The following CECR2 variants were observed in gnomAD, a reference collection of about 807,000 sequenced individuals.
The protein encoded by CECR2 is CECR2 histone acetyl-lysine reader.
Under a neutral mutation model 154.5 loss-of-function variants are expected in CECR2, and 30 were observed. That is an observed-to-expected ratio of 0.19 (90% confidence interval 0.15 to 0.26). The LOEUF is 0.26. CECR2 is among the 10% of genes least tolerant of loss of function. The pLI is 1.00. For missense variants in CECR2, 1,743 were observed against 1,829.3 expected, an observed-to-expected ratio of 0.95 and a Z score of 0.86; for synonymous variants, 725 against 683.7, an observed-to-expected ratio of 1.06 and a Z score of -0.94.
chr22:17,437,944 G>GT lies in CECR2; in HGVS notation c.127-39641dup, dbSNP rs1601356804. Among the ~76,000 whole-genome samples the GT allele has an allele frequency of 2.0e-5, 3 of 152,226 alleles. No individual in the cohort carries two copies. The East Asian group carries it at 5.8e-4, about 29-fold the overall frequency. On this transcript the variant is annotated intron_variant, in intron 1 of 18. Coordinates refer to ENST00000262608, the MANE Select transcript of CECR2 (RefSeq NM_001290047.2). ...TAACTTAATAGTTTAAAAGGACAAA[G>GT]TTTCTTTTGTGGAGTAATAGAAATG...
intron 1 of CECR2, among the ~76,000 whole-genome samples, chr22:17,443,023 T>G (rs1258850829): frequency 1.3e-5 from 2 of 152,260 alleles, no homozygotes; most frequent in Non-Finnish European, 2.9e-5. Context: ...CCTTTTTCTA[T>G]TCTTTCATCA....
At chr22:17,368,723 G>C (rs2063018769), upstream of CECR2, among the ~76,000 whole-genome samples, 1 of 152,048 alleles carries the variant, frequency 6.6e-6, no homozygotes, top group Admixed American at 6.5e-5. Context: ...TTCAGCGGCC[G>C]GGCAGTAGCA....
chr22:17,540,821 T>G lies in CECR2; in HGVS notation c.1884+21T>G, dbSNP rs1319386469. On this transcript the variant is annotated intron_variant, in intron 14 of 18. Transcript: ENST00000262608. ...AGATGGTAAGGAATAGAGTGGAGAC[T>G]GTTGCGGTTTCTCCTAGTTTGTGAG... 3 of 1,511,228 alleles carry G rather than the reference T, an allele frequency of 2.0e-6. No individual in the cohort carries two copies. In the South Asian group the frequency reaches 4.2e-5, roughly 21 times the overall value. The allele number at this position is 1,511,228 out of a possible 1,614,324, so 93.6% of individuals were successfully genotyped here.
intron 4 of CECR2, among the ~76,000 whole-genome samples, chr22:17,500,384 C>T (rs76369708): frequency 0.13 from 19,654 of 152,136 alleles, 1,466 homozygotes; most frequent in Non-Finnish European, 0.17. Context: ...GGCTTTCTTA[C>T]TGCTAGGAGA....
At chr22:17,541,754 G>A (rs1385034687) in intron 14 of CECR2, 85 bp from the exon 15 acceptor site, 32 of 1,475,636 alleles carry the variant, frequency 2.2e-5, no homozygotes, top group Non-Finnish European at 2.7e-5. Flanking sequence ...TTAGTAGAAC[G>A]TTCATCTTCA....
At chr22:17,535,893 C>T (rs944435617) in intron 9 of CECR2, among the ~76,000 whole-genome samples, 1 of 152,158 alleles carries the variant, frequency 6.6e-6, no homozygotes, top group Non-Finnish European at 1.5e-5. Flanking sequence ...GTGTCTTGCT[C>T]ACAGCAGTAG....
chr22:17,417,480 G>GA (rs893717119), intron 1 of CECR2, among the ~76,000 whole-genome samples: 1 of 149,560 alleles, frequency 6.7e-6, no homozygotes, highest in African/African-American at 2.5e-5. Context: ...CTTGTGGCCT[G>GA]AAAAAAAATT....
rs772379155 is a variant in CECR2 at position 17,542,721 on chromosome 22, A to G, written c.2578A>G (p.Ser860Gly). 5.0e-6 allele frequency: 8 copies of G among 1,614,012 alleles called. No individual in the cohort carries two copies. In the South Asian group the frequency reaches 7.7e-5, roughly 16 times the overall value. ...RLQPPPVPAPSSLFGAPAQAL... is the reference protein window; with the variant it reads ...RLQPPPVPAPGSLFGAPAQAL... ...ACAGCCACCTCCAGTGCCAGCACCC[A>G]GTTCTTTGTTTGGAGCACCTGCCCA... is the stretch of plus-strand genomic sequence containing the variant. The change falls in exon 16 of 19, where the codon AGT becomes GGT. Residue 860 changes from serine to glycine, a missense_variant. Physicochemically the swap from Ser to Gly is moderately conservative, Grantham distance 56. Coordinates refer to ENST00000262608, the MANE Select transcript of CECR2 (RefSeq NM_001290047.2).
chr22:17,378,139 A>G (rs932518697), intron 1 of CECR2, among the ~76,000 whole-genome samples: 2 of 151,248 alleles, frequency 1.3e-5, no homozygotes, highest in African/African-American at 4.9e-5. Context: ...GCCCACCACC[A>G]CGCCCGGCTA....
intron 1 of CECR2, among the ~76,000 whole-genome samples, chr22:17,370,475 G>A (rs564358646): frequency 9.2e-5 from 14 of 152,148 alleles, no homozygotes; most frequent in Non-Finnish European, 1.9e-4. Flanking sequence ...CGGGCCGGTG[G>A]GGACCGGGCC....
chr22:17,456,902 C>A (rs78724649), intron 1 of CECR2, among the ~76,000 whole-genome samples: 5,873 of 152,268 alleles, frequency 0.039, 268 homozygotes, highest in African/African-American at 0.11. Flanking sequence ...GAAAGATGAG[C>A]AAAAATGTTT....
intron 1 of CECR2, among the ~76,000 whole-genome samples, chr22:17,395,203 T>C (rs180940845): frequency 6.6e-6 from 1 of 152,240 alleles, no homozygotes; most frequent in Admixed American, 6.5e-5. Flanking sequence ...TAGAATCTCT[T>C]TTTTGGCAGA....
At chr22:17,551,904 G>T in intron 17 of CECR2, 127 bp from the exon 18 acceptor site, 2 of 840,946 alleles carry the variant, frequency 2.4e-6, no homozygotes, top group Non-Finnish European at 1.9e-6. Flanking sequence ...AGTTGTCCCA[G>T]TATGGATGAT....
At chr22:17,443,784 G>T (rs2146674398) in intron 1 of CECR2, among the ~76,000 whole-genome samples, 1 of 152,198 alleles carries the variant, frequency 6.6e-6, no homozygotes, top group Non-Finnish European at 1.5e-5. Context: ...CAGATTCCAG[G>T]AGGCATTGAG....
chr22:17,419,570 AAAGAAG>A (rs200339991), intron 1 of CECR2: 12 of 232,856 alleles, frequency 5.2e-5, no homozygotes, highest in Middle Eastern at 5.2e-4. Flanking sequence ...AGGAGGAAGA[AAAGAAG>A]AAGAAGAAGA....
chr22:17,536,955 A>T (rs145227601), intron 9 of CECR2, 148 bp from the exon 10 acceptor site: 2 of 812,102 alleles, frequency 2.5e-6, no homozygotes, highest in East Asian at 5.5e-5. Flanking sequence ...CATCCTAATT[A>T]CCAAAAAGAG....
In CECR2 at chr22:17,449,638, C is replaced by T. The variant is rs372261440; in HGVS notation, c.127-27950C>T. 1.6e-3 allele frequency among the ~76,000 whole-genome samples: 246 copies of T among 151,744 alleles called. 7 individuals are homozygous for T. The East Asian group carries it at 0.044, about 27-fold the overall frequency. On this transcript the variant is annotated intron_variant, in intron 1 of 18. Transcript: ENST00000262608. Reference sequence around the variant, plus strand: ...CCGAGTAGCTGGGACTACAGGCGCCCGCCACCACGCCCGGCTAATTTTTTG... The same window carrying T: ...CCGAGTAGCTGGGACTACAGGCGCCTGCCACCACGCCCGGCTAATTTTTTG...
At chr22:17,508,978 T>A (rs554159207) in intron 7 of CECR2, among the ~76,000 whole-genome samples, 39 of 152,240 alleles carry the variant, frequency 2.6e-4, no homozygotes, top group African/African-American at 9.2e-4. Flanking sequence ...GCCAGGGACG[T>A]GGTGGCTCAT....
chr22:17,489,715 C>T (rs1388600544), intron 2 of CECR2, among the ~76,000 whole-genome samples: 1 of 152,190 alleles, frequency 6.6e-6, no homozygotes, highest in Non-Finnish European at 1.5e-5. Flanking sequence ...GCCTCAGCCT[C>T]CCAAAGTGCT....
Sources: gnomAD v4.1 joint callset for allele counts (sites outside exome capture counted in the v4.1 genomes callset) on GRCh38, gnomAD v4.1.1 for gene constraint, MANE v1.5 for transcripts, NCBI Gene and HGNC (gene_info 2026-07-23, HGNC 2026-07-21) for gene names.